Variants in CPED1 observed in about 807,000 individuals in gnomAD.
CPED1 encodes the protein cadherin like and PC-esterase domain containing 1, also known as cadherin-like and PC-esterase domain-containing protein 1.
A neutral mutation model predicts 128.2 loss-of-function variants in CPED1; 114 were observed. The observed-to-expected ratio is 0.89, with a 90% confidence interval of 0.76 to 1.04. CPED1 has a LOEUF of 1.04. CPED1 is among the 50% of genes least tolerant of loss of function. The probability of loss-of-function intolerance (pLI) is 0.00; values close to 1 mark genes in which losing one functional copy is unlikely to be tolerated. For missense variants in CPED1, 1,211 were observed against 1,207.1 expected (o/e 1.00, Z -0.05); for synonymous variants, 462 against 426.7 (o/e 1.08, Z -1.02).
chr7:121,057,311 A>C (rs555022645), intron 4 of CPED1, among the ~76,000 whole-genome samples: 4 of 152,218 alleles, frequency 2.6e-5, no homozygotes, highest in Admixed American at 6.5e-5. Context: ...CTTTTATTTT[A>C]GATTCAGGAG....
rs549155095 is a variant in CPED1, at chr7:121,200,769, TG to T, written c.2056-35941del. Among the ~76,000 whole-genome samples, 116 of 152,194 alleles carry T rather than the reference TG, an allele frequency of 7.6e-4. 3 individuals are homozygous for T. In the South Asian group the frequency reaches 0.024, roughly 31 times the overall value. On this transcript the variant is annotated intron_variant, in intron 16 of 22. Coordinates refer to ENST00000310396, the MANE Select transcript of CPED1 (RefSeq NM_024913.5). ...AAGTTTGATACAGACCAGTGCAAAG[TG>T]GGGAACCTAAAGAGAAACAAACTTC... is the stretch of plus-strand genomic sequence containing the variant.
chr7:121,084,755 C>T (rs1035617717), intron 5 of CPED1, among the ~76,000 whole-genome samples: 1 of 152,178 alleles, frequency 6.6e-6, no homozygotes, highest in Admixed American at 6.5e-5. Context: ...CATCAATATC[C>T]ATTGAGACAT....
At chr7:121,147,950 C>G (rs1796064319) in intron 16 of CPED1, among the ~76,000 whole-genome samples, 1 of 152,026 alleles carries the variant, frequency 6.6e-6, no homozygotes, top group Non-Finnish European at 1.5e-5. Context: ...GTTTAGAACT[C>G]TCTCATTTAT....
intron 22 of CPED1, among the ~76,000 whole-genome samples, chr7:121,280,751 G>T (rs2116771853): frequency 6.6e-6 from 1 of 152,250 alleles, no homozygotes; most frequent in South Asian, 2.1e-4. Context: ...GTGAAATTAT[G>T]AGTTATAAGG....
At position 121,251,161 on chromosome 7, in the gene CPED1, A is replaced by G. The variant is rs572752446; in HGVS notation, c.2310+6823A>G. Among the ~76,000 whole-genome samples the G allele has an allele frequency of 3.4e-3, 517 of 152,344 alleles. 7 individuals carry two copies. The highest frequency in any genetic ancestry group is 0.012 in the African/African-American group (498 of 41,580). On this transcript the variant is annotated intron_variant, in intron 18 of 22. Coordinates refer to ENST00000310396, the MANE Select transcript of CPED1 (RefSeq NM_024913.5). Reference sequence around the variant, plus strand: ...CCCTGGGATGCAAGGCTGGTTCAACATATGAAAATCAATAAACATAATCCA... The same window carrying G: ...CCCTGGGATGCAAGGCTGGTTCAACGTATGAAAATCAATAAACATAATCCA...
intron 2 of CPED1, among the ~76,000 whole-genome samples, chr7:120,995,413 C>T (rs535118483): frequency 1.3e-5 from 2 of 152,242 alleles, no homozygotes; most frequent in East Asian, 3.9e-4. Flanking sequence ...AGTTCATTTC[C>T]TCTCTCTGAT....
chr7:121,209,696 AAGATTTCTTG>A (rs1797603356), intron 16 of CPED1, among the ~76,000 whole-genome samples: 9 of 152,072 alleles, frequency 5.9e-5, no homozygotes. Flanking sequence ...GGTCTGAGCA[AAGATTTCTTG>A]AGTAATTCCC....
chr7:121,149,762 T>A (rs1796110272), intron 16 of CPED1: 2 of 152,194 alleles, frequency 1.3e-5, no homozygotes. Context: ...CCTGAGAGGT[T>A]TTTTTCCTAA....
intron 16 of CPED1, among the ~76,000 whole-genome samples, chr7:121,158,901 T>C (rs1796350803): frequency 6.6e-6 from 1 of 152,168 alleles, no homozygotes; most frequent in Non-Finnish European, 1.5e-5. Flanking sequence ...AATAATGTTT[T>C]TCATGTTAAG....
At chr7:121,216,534 G>A (rs866163724) in intron 16 of CPED1, among the ~76,000 whole-genome samples, 77 of 151,880 alleles carry the variant, frequency 5.1e-4, no homozygotes, top group African/African-American at 1.8e-3. Flanking sequence ...AAATTAGCAG[G>A]CTCTGCTAGA....
chr7:121,098,814 A>AAT (rs1355100243), intron 6 of CPED1, among the ~76,000 whole-genome samples: 6 of 141,936 alleles, frequency 4.2e-5, no homozygotes, highest in African/African-American at 1.1e-4. Flanking sequence ...ATATATAAAT[A>AAT]ATATATATAT....
chr7:121,149,760 GT>G (rs1468345098), intron 16 of CPED1: 4 of 152,108 alleles, frequency 2.6e-5, no homozygotes, highest in Non-Finnish European at 4.4e-5. Flanking sequence ...AACCTGAGAG[GT>G]TTTTTTCCTA....
Position 121,107,205 on chromosome 7 carries a change from C to T in CPED1, c.918+7111C>T, listed in dbSNP as rs183484094. On this transcript the variant is annotated intron_variant, in intron 7 of 22. Coordinates refer to ENST00000310396, the MANE Select transcript of CPED1 (RefSeq NM_024913.5). ...CTAAATGTTTTCATTTCTGTACAGA[C>T]ACCTAGAGAGTTATTGAATTTAATT... is the stretch of plus-strand genomic sequence containing the variant. 3.3e-5 allele frequency among the ~76,000 whole-genome samples: 5 copies of T among 152,172 alleles called. No homozygotes were observed. In the East Asian group the frequency reaches 9.6e-4, roughly 29 times the overall value.
At chr7:121,091,945 G>A (rs936117916) in intron 5 of CPED1, among the ~76,000 whole-genome samples, 3 of 151,886 alleles carry the variant, frequency 2.0e-5, no homozygotes, top group Non-Finnish European at 4.4e-5. Context: ...CATCATCTTG[G>A]GCCCAAGTTC....
intron 3 of CPED1, among the ~76,000 whole-genome samples, chr7:121,038,868 G>C (rs1792971458): frequency 6.6e-6 from 1 of 151,942 alleles, no homozygotes; most frequent in South Asian, 2.1e-4. Context: ...GTTTGAAGGA[G>C]TGTGAACACA....
chr7:121,059,128 C>T (rs893119037), intron 4 of CPED1, among the ~76,000 whole-genome samples: 5 of 152,072 alleles, frequency 3.3e-5, no homozygotes, highest in African/African-American at 7.2e-5. Flanking sequence ...TGTATCTCAC[C>T]GCAAGTAGAC....
rs1398644006 is a variant in CPED1, at chr7:120,988,721, G to C, written c.-423G>C. The C allele has an allele frequency of 1.3e-5, 2 of 152,298 alleles. No individual in the cohort carries two copies. Among genetic ancestry groups the C allele is most frequent in the Non-Finnish European group, 2.9e-5 (2 of 68,216 alleles). 9.4% of individuals were successfully genotyped at this position (152,298 alleles called of 1,614,324 possible). On this transcript the variant is annotated 5_prime_UTR_variant, in exon 1 of 23. Transcript: ENST00000310396. ...TGCGATGCCGAGGTCCTCTGCTCCC[G>C]CCGGGCGTGCAGCGGGCGCGCGCGC...
intron 16 of CPED1, among the ~76,000 whole-genome samples, chr7:121,194,041 TATA>T (rs1383879192): frequency 1.8e-4 from 20 of 113,116 alleles, no homozygotes; most frequent in South Asian, 6.0e-4. Flanking sequence ...TATATATATA[TATA>T]TATATTTTTT....
intron 16 of CPED1, among the ~76,000 whole-genome samples, chr7:121,208,354 A>G (rs1299332510): frequency 6.6e-6 from 1 of 152,046 alleles, no homozygotes; most frequent in Non-Finnish European, 1.5e-5. Context: ...TATACTATCT[A>G]ATTCACAGAT....
Sources: gnomAD v4.1 joint callset for allele counts (sites outside exome capture counted in the v4.1 genomes callset) on GRCh38, gnomAD v4.1.1 for gene constraint, MANE v1.5 for transcripts, NCBI Gene and HGNC (gene_info 2026-07-23, HGNC 2026-07-21) for gene names.